SHISA5: variants seen among roughly 807,000 people sequenced by gnomAD.
SHISA5 encodes shisa family member 5.
Under a neutral mutation model 27.5 loss-of-function variants are expected in SHISA5, and 21 were observed. The ratio of observed to expected loss-of-function variants is 0.76; its 90% confidence interval spans 0.54 to 1.10. The LOEUF (loss-of-function observed/expected upper bound fraction) is 1.10. Ranked by LOEUF, SHISA5 falls within the 50% of genes least tolerant of loss-of-function variation. The pLI is 0.00. For missense variants in SHISA5, 314 were observed against 336.3 expected (o/e 0.93, Z 0.52); for synonymous variants, 137 against 142.2 (o/e 0.96, Z 0.26).
intron 2 of SHISA5, among the ~76,000 whole-genome samples, chr3:48,486,586 T>C (rs1268293940): frequency 7.7e-6 from 1 of 129,726 alleles, no homozygotes; most frequent in Non-Finnish European, 1.6e-5. Context: ...TATTATATAT[T>C]ATATATATAG....
chr3:48,468,211 A>G lies in SHISA5; in HGVS notation c.*896T>C. On this transcript the variant is annotated 3_prime_UTR_variant, in exon 6 of 6. Coordinates refer to ENST00000296444, the MANE Select transcript of SHISA5 (RefSeq NM_016479.6). ...TCCACAACCCAGGGGTTTCAGTCTC[A>G]TATCAACTATCATGTTTGAAACAGA... The G allele has an allele frequency of 1.0e-6, 1 of 1,002,152 alleles. No homozygotes were observed. The highest frequency in any genetic ancestry group is 4.3e-5 in the South Asian group (1 of 23,316). The allele number at this position is 1,002,152 out of a possible 1,614,324, so 62.1% of individuals were successfully genotyped here. A position where few individuals can be genotyped will look rare whatever the true frequency, so the allele number is the denominator to read the frequency against.
At chr3:48,503,928 G>A in intron 1 of SHISA5, 91 bp downstream of exon 1, 5 of 1,382,900 alleles carry the variant, frequency 3.6e-6, no homozygotes, top group Non-Finnish European at 4.7e-6. Flanking sequence ...GGCATAGTGG[G>A]GCTGGTGCTG....
At chr3:48,490,795 A>C (rs1410701340) in intron 2 of SHISA5, among the ~76,000 whole-genome samples, 1 of 152,332 alleles carries the variant, frequency 6.6e-6, no homozygotes. Context: ...GAAAATGTGC[A>C]TCTGTAAAGA....
intron 3 of SHISA5, among the ~76,000 whole-genome samples, chr3:48,476,329 G>C (rs1225464026): frequency 8.2e-6 from 1 of 122,370 alleles, no homozygotes; most frequent in African/African-American, 3.1e-5. Flanking sequence ...CAACAGGAGA[G>C]AAACTCCATC....
At chr3:48,497,855 A>G (rs991041362) in intron 2 of SHISA5, among the ~76,000 whole-genome samples, 1 of 151,018 alleles carries the variant, frequency 6.6e-6, no homozygotes, top group Non-Finnish European at 1.5e-5. Context: ...GCACCACTGC[A>G]CTCCAGCCTG....
upstream of SHISA5, chr3:48,504,403 C>A: frequency 3.6e-6 from 1 of 275,982 alleles, no homozygotes; most frequent in Non-Finnish European, 6.8e-6. This position sits in a 1 kb window ranked among gnomAD's most constrained non-coding sequence, Gnocchi z 4.0. Flanking sequence ...GGGCGACGCA[C>A]GGAGTTTCCT....
Position 48,470,980 on chromosome 3 carries a change from T to C in SHISA5, c.315-1137A>G, listed in dbSNP as rs116488231. On this transcript the variant is annotated intron_variant, in intron 3 of 5. Transcript: ENST00000296444. This position sits in a 1 kb window ranked among gnomAD's most constrained non-coding sequence, Gnocchi z 4.3. The stretch of plus-strand genomic sequence containing the variant: ...ACTTCCAAATGCAGACAGAGCCCCT[T>C]ACTAGCCACCCTGCCGTGTTTGCAG... 0.012 allele frequency among the ~76,000 whole-genome samples: 1,811 copies of C among 152,112 alleles called. 15 individuals carry two copies. Among genetic ancestry groups the C allele is most frequent in the East Asian group, 0.017 (86 of 5,164 alleles).
At chr3:48,503,814 T>G in intron 1 of SHISA5, 1 of 1,256,066 alleles carries the variant, frequency 8.0e-7, no homozygotes, top group South Asian at 3.0e-5. Flanking sequence ...AGCTGCCTGG[T>G]GTCTAGGCAG....
At chr3:48,474,057 C>G (rs1313539242) in intron 3 of SHISA5, among the ~76,000 whole-genome samples, 1 of 151,050 alleles carries the variant, frequency 6.6e-6, no homozygotes, top group Non-Finnish European at 1.5e-5. Flanking sequence ...TTTGTCTCAC[C>G]AGACAGTGAA....
In SHISA5 at chr3:48,477,012, C is replaced by T. The variant is rs1217995477; in HGVS notation, c.314+2165G>A. On this transcript the variant is annotated intron_variant, in intron 3 of 5. Transcript: ENST00000296444. ...CCCAGTCACCTCCCTGCTGCCACAACCCCAGGAAGCCACTCCTCCTCCTAT... is the reference window on the plus strand; with the variant it reads ...CCCAGTCACCTCCCTGCTGCCACAATCCCAGGAAGCCACTCCTCCTCCTAT... 1.1e-5 allele frequency: 5 copies of T among 436,234 alleles called. No homozygotes were observed. In the Admixed American group the frequency reaches 1.4e-4, roughly 12 times the overall value. The allele number at this position is 436,234 out of a possible 1,614,324, so 27.0% of individuals were successfully genotyped here.
chr3:48,481,379 C>CA (rs2041006596), intron 2 of SHISA5, among the ~76,000 whole-genome samples: 1 of 150,590 alleles, frequency 6.6e-6, no homozygotes, highest in South Asian at 2.1e-4. Flanking sequence ...GTGGAGGTTG[C>CA]AGTGAGCCAA....
At chr3:48,492,427 G>A (rs1365628721) in intron 2 of SHISA5, among the ~76,000 whole-genome samples, 2 of 148,226 alleles carry the variant, frequency 1.3e-5, no homozygotes, top group East Asian at 1.9e-4. Flanking sequence ...CCGAGATCGG[G>A]CCACTGCAGT....
At chr3:48,504,560 G>C (rs1184634391), upstream of SHISA5, 1 of 154,896 alleles carries the variant, frequency 6.5e-6, no homozygotes, top group African/African-American at 2.4e-5. This position sits in a 1 kb window ranked among gnomAD's most constrained non-coding sequence, Gnocchi z 4.0. Context: ...CAGTCCCGGC[G>C]GATCCTCACT....
At chr3:48,493,403 G>C (rs1385776552) in intron 2 of SHISA5, among the ~76,000 whole-genome samples, 1 of 146,470 alleles carries the variant, frequency 6.8e-6, no homozygotes, top group Non-Finnish European at 1.5e-5. Flanking sequence ...GCAGTGAGCT[G>C]AGACTGTGCC....
chr3:48,499,202 C>T (rs1339315365), intron 2 of SHISA5, among the ~76,000 whole-genome samples: 2 of 151,864 alleles, frequency 1.3e-5, no homozygotes, highest in Non-Finnish European at 2.9e-5. Context: ...GAGTCGAGGT[C>T]TCACTCTGTT....
rs2041476212 is a variant in SHISA5 at position 48,493,041 on chromosome 3, C to T, written c.233+8096G>A. ...GGACTAAAACACATGAAACTTTCCTCATGTTTCACTAAGGATATGCTGGGC... is the reference window on the plus strand; with the variant it reads ...GGACTAAAACACATGAAACTTTCCTTATGTTTCACTAAGGATATGCTGGGC... On this transcript the variant is annotated intron_variant, in intron 2 of 5. Transcript: ENST00000296444. 1.4e-5 allele frequency among the ~76,000 whole-genome samples: 2 copies of T among 147,668 alleles called. 1 individual carries two copies.
upstream of SHISA5, chr3:48,504,251 G>A (rs2041839932): frequency 2.7e-6 from 1 of 374,538 alleles, no homozygotes. This position sits in a 1 kb window ranked among gnomAD's most constrained non-coding sequence, Gnocchi z 4.0. Context: ...GAGGAGGAGG[G>A]AGGAGGAGGG....
rs1008902382 is a variant in SHISA5 at position 48,470,349 on chromosome 3, C to T, written c.315-506G>A. Among the ~76,000 whole-genome samples the T allele has an allele frequency of 6.6e-6, 1 of 152,206 alleles. No individual in the cohort carries two copies. Among genetic ancestry groups the T allele is most frequent in the African/African-American group, 2.4e-5 (1 of 41,452 alleles). On this transcript the variant is annotated intron_variant, in intron 3 of 5. Transcript: ENST00000296444. This position sits in a 1 kb window ranked among gnomAD's most constrained non-coding sequence, Gnocchi z 4.3. ...CCCAGGAGGGCAGAGGCCAGTGTGG[C>T]CAGAACAGGAGGCCCCCATTGTTCC...
chr3:48,498,734 C>T (rs1372270617), intron 2 of SHISA5, among the ~76,000 whole-genome samples: 1 of 137,560 alleles, frequency 7.3e-6, no homozygotes, highest in Non-Finnish European at 1.6e-5. Flanking sequence ...GAAGAAGTAA[C>T]AGTCGAAGAA....
Sources: allele counts gnomAD v4.1 joint callset (sites outside exome capture counted in the v4.1 genomes callset), GRCh38; gene constraint gnomAD v4.1.1; non-coding constraint Gnocchi (gnomAD v3.1); transcripts MANE v1.5; gene names NCBI Gene and HGNC (gene_info 2026-07-23, HGNC 2026-07-21).